The following CDIN1 variants were observed in gnomAD, a reference collection of about 807,000 sequenced individuals.
The protein encoded by CDIN1 is CDAN1-interacting nuclease 1.
CDIN1 carries 33 observed loss-of-function variants against 45.3 expected under a neutral mutation model. That is an observed-to-expected ratio of 0.73 (90% confidence interval 0.55 to 0.97). CDIN1 has a LOEUF of 0.97. Ranked by LOEUF, CDIN1 falls within the 50% of genes least tolerant of loss-of-function variation. The pLI is 0.00. For missense variants in CDIN1, 303 were observed against 339.4 expected, an observed-to-expected ratio of 0.89 and a Z score of 0.84; for synonymous variants, 118 against 124.4, an observed-to-expected ratio of 0.95 and a Z score of 0.34.
Position 36,795,024 on chromosome 15 carries a change from G to A in CDIN1, c.717-13300G>A, listed in dbSNP as rs139038149. Among the ~76,000 whole-genome samples, 529 of 151,702 alleles carry A rather than the reference G, an allele frequency of 3.5e-3. 1 individual carries two copies. The highest frequency in any genetic ancestry group is 0.012 in the African/African-American group (507 of 41,410). The stretch of plus-strand genomic sequence containing the variant: ...GAGGTTATTATGTTAAGTGAAATAA[G>A]CCAGGCACAGAATAACAAATATCAC... On this transcript the variant is annotated intron_variant, in intron 10 of 10. Transcript: ENST00000566621.
At position 36,579,978 on chromosome 15, in the gene CDIN1, C is replaced by T. The variant is rs1322052928; in HGVS notation, c.101+17C>T. On this transcript the variant is annotated intron_variant, in intron 1 of 10. Coordinates refer to ENST00000566621, the MANE Select transcript of CDIN1 (RefSeq NM_001321759.2). The stretch of plus-strand genomic sequence containing the variant: ...GTTTCCCAGGTAAGTGTCCATCTCT[C>T]CCCTCTCACAGCCCTTTGCCTGCAG... 3 of 1,605,294 alleles carry T rather than the reference C, an allele frequency of 1.9e-6. No homozygotes were observed. Among genetic ancestry groups the T allele is most frequent in the South Asian group, 1.1e-5 (1 of 89,666 alleles).
intron 10 of CDIN1, among the ~76,000 whole-genome samples, chr15:36,743,570 A>AC (rs1216533371): frequency 1.3e-5 from 2 of 151,996 alleles, no homozygotes; most frequent in Admixed American, 6.6e-5. Flanking sequence ...TATTATATAT[A>AC]CCCTCAGTGT....
At chr15:36,681,285 T>C (rs192521376) in intron 5 of CDIN1, among the ~76,000 whole-genome samples, 5 of 152,200 alleles carry the variant, frequency 3.3e-5, no homozygotes, top group East Asian at 3.9e-4. Flanking sequence ...AGTGATGTAT[T>C]AGACAAAAAG....
At chr15:36,673,658 A>G (rs1648613033) in intron 5 of CDIN1, among the ~76,000 whole-genome samples, 1 of 152,094 alleles carries the variant, frequency 6.6e-6, no homozygotes, top group African/African-American at 2.4e-5. Flanking sequence ...ATAAATTGTC[A>G]AAACTACTTT....
At position 36,733,539 on chromosome 15, in the gene CDIN1, C is replaced by T. The variant is rs138672734; in HGVS notation, c.716+23578C>T. 1.6e-4 allele frequency among the ~76,000 whole-genome samples: 24 copies of T among 152,026 alleles called. No homozygotes were observed. The East Asian group carries it at 4.6e-3, about 29-fold the overall frequency. On this transcript the variant is annotated intron_variant, in intron 10 of 10. Transcript: ENST00000566621. ...TTCCTTTTTGTGAATCGTGTACATA[C>T]ATTAAGACAATACAAGAAGAACCAT...
chr15:36,615,784 T>C (rs915680968), intron 1 of CDIN1, among the ~76,000 whole-genome samples: 1 of 152,222 alleles, frequency 6.6e-6, no homozygotes, highest in Non-Finnish European at 1.5e-5. Context: ...TCCTTCTCAA[T>C]TTCTTGTTTT....
chr15:36,801,214 T>C (rs538202823), intron 10 of CDIN1, among the ~76,000 whole-genome samples: 2 of 151,968 alleles, frequency 1.3e-5, no homozygotes, highest in East Asian at 3.9e-4. Flanking sequence ...ATTCAGCTCA[T>C]TGGGAAGAAA....
rs2040268540 is a variant in CDIN1 at position 36,645,271 on chromosome 15, G to C, written c.196G>C (p.Glu66Gln). 1 of 1,553,004 alleles carries C rather than the reference G, an allele frequency of 6.4e-7. No individual in the cohort carries two copies. Among genetic ancestry groups the C allele is most frequent in the Non-Finnish European group, 8.7e-7 (1 of 1,147,444 alleles). The change falls in exon 3 of 11, where the codon GAA (glutamate) becomes CAA (glutamine). Residue 66 changes from glutamate to glutamine, a missense_variant. Physicochemically the swap from Glu to Gln is conservative, Grantham distance 29 (BLOSUM62 2). Coordinates refer to ENST00000566621, the MANE Select transcript of CDIN1 (RefSeq NM_001321759.2). ...HAKHHTSEAI[E>Q]SYYQRYLNGV... ...CAAACATCATACTTCGGAAGCAATT[G>C]AAAGTTATTACCAGAGGTATGACCT... is the stretch of plus-strand genomic sequence containing the variant.
At chr15:36,615,192 G>A (rs1237587203) in intron 1 of CDIN1, among the ~76,000 whole-genome samples, 1 of 152,158 alleles carries the variant, frequency 6.6e-6, no homozygotes, top group Non-Finnish European at 1.5e-5. Context: ...CTTTGGGTTT[G>A]TGGCACCCTG....
intron 1 of CDIN1, among the ~76,000 whole-genome samples, chr15:36,616,794 G>T (rs973866896): frequency 1.3e-5 from 2 of 151,816 alleles, no homozygotes; most frequent in African/African-American, 2.4e-5. Flanking sequence ...GCATGGTGGC[G>T]CATGCCTGTA....
At chr15:36,663,191 T>G (rs1037414990) in intron 5 of CDIN1, among the ~76,000 whole-genome samples, 6 of 152,174 alleles carry the variant, frequency 3.9e-5, no homozygotes, top group African/African-American at 1.4e-4. Flanking sequence ...ACAATCTTAG[T>G]GGGAATTAAA....
chr15:36,602,692 G>T (rs1236657340), intron 1 of CDIN1, among the ~76,000 whole-genome samples: 1 of 152,186 alleles, frequency 6.6e-6, no homozygotes, highest in African/African-American at 2.4e-5. Flanking sequence ...GATAAGTTGG[G>T]CTGGGCGCAG....
chr15:36,602,188 G>A (rs995981550), intron 1 of CDIN1, among the ~76,000 whole-genome samples: 3 of 152,210 alleles, frequency 2.0e-5, no homozygotes, highest in African/African-American at 7.2e-5. Context: ...GGTGTGCCCT[G>A]TGCCTGCCAG....
chr15:36,627,367 G>A (rs576840062), intron 1 of CDIN1: 1 of 158,598 alleles, frequency 6.3e-6, no homozygotes, highest in East Asian at 1.9e-4. Flanking sequence ...AGTGGTCCTT[G>A]TTGGAGAGCA....
chr15:36,638,400 C>A (rs547587163), intron 1 of CDIN1, among the ~76,000 whole-genome samples: 1 of 152,126 alleles, frequency 6.6e-6, no homozygotes, highest in Non-Finnish European at 1.5e-5. Context: ...TTACAGAGGG[C>A]CCCGGCATCC....
chr15:36,597,855 A>T (rs2037911094), intron 1 of CDIN1, among the ~76,000 whole-genome samples: 1 of 152,056 alleles, frequency 6.6e-6, no homozygotes, highest in Non-Finnish European at 1.5e-5. Flanking sequence ...TTGCTTCTGG[A>T]TTGTAGTATC....
At chr15:36,747,172 C>T (rs1230255692) in intron 10 of CDIN1, 2 of 390,652 alleles carry the variant, frequency 5.1e-6, no homozygotes, top group Non-Finnish European at 9.0e-6. Context: ...TCATCTTAAA[C>T]AATAAGTAGC....
At chr15:36,669,475 A>G (rs1032466278) in intron 5 of CDIN1, among the ~76,000 whole-genome samples, 14 of 152,246 alleles carry the variant, frequency 9.2e-5, no homozygotes, top group Admixed American at 7.2e-4. Flanking sequence ...AGTTGCAAAG[A>G]TAGTACAGAG....
At chr15:36,702,305 G>A (rs1023177961) in intron 8 of CDIN1, among the ~76,000 whole-genome samples, 1 of 152,194 alleles carries the variant, frequency 6.6e-6, no homozygotes, top group Non-Finnish European at 1.5e-5. Flanking sequence ...GTCATGGTGA[G>A]AGACTTTCTT....
Sources: gnomAD v4.1 joint callset for allele counts (sites outside exome capture counted in the v4.1 genomes callset) on GRCh38, gnomAD v4.1.1 for gene constraint, MANE v1.5 for transcripts, NCBI Gene and HGNC (gene_info 2026-07-23, HGNC 2026-07-21) for gene names.